The following GABRB3 variants were observed in gnomAD, a reference collection of about 807,000 sequenced individuals.
The protein encoded by GABRB3 is gamma-aminobutyric acid type A receptor subunit beta3.
GABRB3 carries 14 observed loss-of-function variants against 52.1 expected under a neutral mutation model. That is an observed-to-expected ratio of 0.27 (90% CI 0.18 to 0.42). GABRB3 has a LOEUF of 0.42. Among genes scored for constraint, GABRB3 ranks in the 10% least tolerant of loss-of-function variants. The probability of loss-of-function intolerance (pLI) is 1.00; values close to 1 mark genes in which losing one functional copy is unlikely to be tolerated. For synonymous variants in GABRB3, 260 were observed against 232.3 expected (o/e 1.12, Z -1.08); for missense variants, 307 against 609.1 (o/e 0.50, Z 5.22).
In GABRB3 at chr15:26,558,529, T is replaced by C. The variant is rs569189879; in HGVS notation, c.1080+2403A>G. Among the ~76,000 whole-genome samples, 15 of 152,294 alleles carry C rather than the reference T, an allele frequency of 9.8e-5. No homozygotes were observed. In the East Asian group the frequency reaches 2.3e-3, roughly 24 times the overall value. ...GATCTGTGTCCCTGCCCAAATCTCA[T>C]GTTGAACTGTAATCCCCAGTACTGG... is the stretch of plus-strand genomic sequence containing the variant. On this transcript the variant is annotated intron_variant, in intron 8 of 8. Transcript: ENST00000311550.
intron 4 of GABRB3, among the ~76,000 whole-genome samples, chr15:26,608,491 G>C (rs1207861366): frequency 6.6e-6 from 1 of 151,944 alleles, no homozygotes; most frequent in East Asian, 1.9e-4. Context: ...CAAAAACAAT[G>C]AATACTATAC....
In GABRB3 at chr15:26,760,333, A is replaced by G. The variant is rs1890780156; in HGVS notation, c.240+12069T>C. ...AGGCAACTCAGAGAGCATCCATTCCAGCACCCTCATTAGAAAGATGATCAA... is the reference window on the plus strand; with the variant it reads ...AGGCAACTCAGAGAGCATCCATTCCGGCACCCTCATTAGAAAGATGATCAA... On this transcript the variant is annotated intron_variant, in intron 3 of 8. Transcript: ENST00000311550. Among the ~76,000 whole-genome samples the G allele has an allele frequency of 3.9e-5, 6 of 152,346 alleles. No homozygotes were observed. The South Asian group carries it at 1.0e-3, about 26-fold the overall frequency.
At chr15:26,667,642 C>A (rs1478233796) in intron 3 of GABRB3, among the ~76,000 whole-genome samples, 1 of 152,194 alleles carries the variant, frequency 6.6e-6, no homozygotes, top group Non-Finnish European at 1.5e-5. Flanking sequence ...AACAATCTAA[C>A]GGTAATTCCT....
At chr15:26,741,841 C>CTCAA (rs564926287) in intron 3 of GABRB3, among the ~76,000 whole-genome samples, 47 of 152,274 alleles carry the variant, frequency 3.1e-4, no homozygotes, top group African/African-American at 1.1e-3. Context: ...AACTCCTGGT[C>CTCAA]TCAAGAGATG....
intron 3 of GABRB3, among the ~76,000 whole-genome samples, chr15:26,685,772 T>C (rs1227021284): frequency 2.0e-5 from 3 of 151,568 alleles, no homozygotes; most frequent in Non-Finnish European, 4.4e-5. Context: ...GGCAGGAATA[T>C]TGGACTGATC....
intron 8 of GABRB3, among the ~76,000 whole-genome samples, chr15:26,550,771 T>G (rs1205175913): frequency 1.3e-5 from 2 of 152,112 alleles, no homozygotes; most frequent in Admixed American, 6.5e-5. Context: ...CCTGACACCC[T>G]AAGGGAAGGA....
chr15:26,700,854 G>A (rs1888907200), intron 3 of GABRB3, among the ~76,000 whole-genome samples: 1 of 152,198 alleles, frequency 6.6e-6, no homozygotes, highest in African/African-American at 2.4e-5. Context: ...AGGAGGTCGA[G>A]ACCATCCTGG....
chr15:26,584,799 C>G (rs948564942), intron 4 of GABRB3, among the ~76,000 whole-genome samples: 4 of 152,150 alleles, frequency 2.6e-5, no homozygotes, highest in African/African-American at 9.7e-5. Context: ...TCTCTAGAAC[C>G]CCACCCTTTC....
chr15:26,750,568 C>T (rs1595344466), intron 3 of GABRB3, among the ~76,000 whole-genome samples: 2 of 152,080 alleles, frequency 1.3e-5, no homozygotes, highest in East Asian at 3.9e-4. Context: ...TAATAAGAAT[C>T]GGGCAGAATA....
intron 3 of GABRB3, among the ~76,000 whole-genome samples, chr15:26,678,605 A>G (rs1357513852): frequency 6.6e-6 from 1 of 152,168 alleles, no homozygotes; most frequent in East Asian, 1.9e-4. Context: ...AGAGAGATAC[A>G]GAGAGGAAGA....
At position 26,629,122 on chromosome 15, in the gene GABRB3, G is replaced by C. The variant is rs1294963308; in HGVS notation, c.241-7588C>G. ...TCCTCTCCATCTCTGCTCTTTACAG[G>C]AGAGGCTGAAGCTCGGGGAGGCGCA... is the stretch of plus-strand genomic sequence containing the variant. On this transcript the variant is annotated intron_variant, in intron 3 of 8. Coordinates refer to ENST00000311550, the MANE Select transcript of GABRB3 (RefSeq NM_000814.6). 5.9e-6 allele frequency: 9 copies of C among 1,528,454 alleles called. No homozygotes were observed. In the African/African-American group the frequency reaches 1.1e-4, roughly 19 times the overall value. The allele number at this position is 1,528,454 out of a possible 1,614,324, so 94.7% of individuals were successfully genotyped here. A position where few individuals can be genotyped will look rare whatever the true frequency, so the allele number is the denominator to read the frequency against.
At chr15:26,624,188 C>T (rs1449077656) in intron 3 of GABRB3, 2 of 984,860 alleles carry the variant, frequency 2.0e-6, no homozygotes, top group Non-Finnish European at 2.4e-6. Context: ...GGGCATATTC[C>T]GCCCCTTCAT....
chr15:26,575,232 A>G (rs2140717599), intron 6 of GABRB3, among the ~76,000 whole-genome samples: 1 of 152,344 alleles, frequency 6.6e-6, no homozygotes, highest in South Asian at 2.1e-4. Flanking sequence ...CATGTTTCAT[A>G]TGTCAGAAGC....
At chr15:26,614,290 A>G (rs548275495) in intron 4 of GABRB3, 1 of 152,290 alleles carries the variant, frequency 6.6e-6, no homozygotes, top group African/African-American at 2.4e-5. Context: ...GTTTGCAGAG[A>G]AGGTGAGAAG....
At chr15:26,595,565 G>T (rs1436779988) in intron 4 of GABRB3, among the ~76,000 whole-genome samples, 2 of 152,094 alleles carry the variant, frequency 1.3e-5, no homozygotes, top group Non-Finnish European at 2.9e-5. Flanking sequence ...TCTAGTTTTT[G>T]TTTTGTTTTA....
intron 3 of GABRB3, among the ~76,000 whole-genome samples, chr15:26,653,583 C>G (rs947895916): frequency 6.6e-6 from 1 of 152,302 alleles, no homozygotes; most frequent in South Asian, 2.1e-4. Flanking sequence ...AGTAATGAAA[C>G]TCCAGTCTCC....
In GABRB3 at chr15:26,731,063, GCTCTCGCTCT is replaced by G. The variant is rs781695985; in HGVS notation, c.240+41329_240+41338del. ...ATTAATGATGCAGGCTCTCTCACTC[GCTCTCGCTCT>G]CTCTCTCTCTCTCTATTAATATTTT... On this transcript the variant is annotated intron_variant, in intron 3 of 8. Transcript: ENST00000311550. Among the ~76,000 whole-genome samples, 628 of 80,988 alleles carry G rather than the reference GCTCTCGCTCT, an allele frequency of 7.8e-3. 5 individuals are homozygous for G. Among genetic ancestry groups the G allele is most frequent in the African/African-American group, 0.063 (557 of 8,808 alleles). 53.1% of individuals were successfully genotyped at this position (80,988 alleles called of 152,430 possible). A position where few individuals can be genotyped will look rare whatever the true frequency, so the allele number is the denominator to read the frequency against.
intron 3 of GABRB3, among the ~76,000 whole-genome samples, chr15:26,768,948 A>G (rs992407622): frequency 1.3e-5 from 2 of 152,234 alleles, no homozygotes; most frequent in African/African-American, 4.8e-5. Flanking sequence ...GATTGTTTCC[A>G]CAAAACACCA....
chr15:26,716,111 G>A (rs1211509670), intron 3 of GABRB3, among the ~76,000 whole-genome samples: 1 of 152,098 alleles, frequency 6.6e-6, no homozygotes, highest in Admixed American at 6.5e-5. Context: ...CTGACTCAAG[G>A]GAAACAAACA....
Sources: allele counts gnomAD v4.1 joint callset (sites outside exome capture counted in the v4.1 genomes callset), GRCh38; gene constraint gnomAD v4.1.1; transcripts MANE v1.5; gene names NCBI Gene and HGNC (gene_info 2026-07-23, HGNC 2026-07-21).